LRRK1: variants seen among roughly 807,000 people sequenced by gnomAD.
LRRK1 encodes the protein leucine rich repeat kinase 1.
LRRK1 carries 113 observed loss-of-function variants against 209.1 expected under a neutral mutation model. That is an observed-to-expected ratio of 0.54 (90% CI 0.46 to 0.63). LRRK1 has a LOEUF of 0.63. Among genes scored for constraint, LRRK1 ranks in the 30% least tolerant of loss-of-function variants. LRRK1 has a pLI of 0.00. For synonymous variants in LRRK1, 1,144 were observed against 1,099.7 expected (o/e 1.04, Z -0.80); for missense variants, 2,284 against 2,632.2 (o/e 0.87, Z 2.89).
rs566033151 is a variant in LRRK1, at chr15:101,037,756, G to A, written c.2964-8225G>A. The stretch of plus-strand genomic sequence containing the variant: ...CTTGCACCTCAGCCCCAGCACCACT[G>A]GGCTCCCGGACAGTACACAGTCTGT... On this transcript the variant is annotated intron_variant, in intron 20 of 33. Coordinates refer to ENST00000388948, the MANE Select transcript of LRRK1 (RefSeq NM_024652.6). Among the ~76,000 whole-genome samples the A allele has an allele frequency of 3.0e-4, 46 of 152,290 alleles. No individual in the cohort carries two copies. In the South Asian group the frequency reaches 5.2e-3, roughly 17 times the overall value.
chr15:100,973,695 C>A (rs910757603), intron 2 of LRRK1, 109 bp from the exon 3 acceptor site: 3 of 1,107,510 alleles, frequency 2.7e-6, no homozygotes, highest in African/African-American at 3.2e-5. Context: ...CTGAAGCCCC[C>A]GCGATCGTGC....
chr15:100,958,395 A>G (rs2042808793), intron 2 of LRRK1, among the ~76,000 whole-genome samples: 1 of 152,082 alleles, frequency 6.6e-6, no homozygotes, highest in Admixed American at 6.5e-5. Context: ...TCTGGAGTTG[A>G]TGTTTGGGTG....
At chr15:101,034,569 T>C (rs1238714664) in intron 20 of LRRK1, among the ~76,000 whole-genome samples, 3 of 152,196 alleles carry the variant, frequency 2.0e-5, no homozygotes, top group Admixed American at 1.3e-4. Context: ...ACTGTAAATA[T>C]GTGGATTTAT....
chr15:101,059,375 G>A lies in LRRK1; in HGVS notation c.4679+1234G>A, dbSNP rs567374299. 2.6e-5 allele frequency among the ~76,000 whole-genome samples: 4 copies of A among 152,256 alleles called. No individual in the cohort carries two copies. The South Asian group carries it at 8.3e-4, about 32-fold the overall frequency. On this transcript the variant is annotated intron_variant, in intron 29 of 33. Coordinates refer to ENST00000388948, the MANE Select transcript of LRRK1 (RefSeq NM_024652.6). ...ATTGTGCCACTGCACTCCAGCCTGG[G>A]TGACAGAGTGAGACCCTGCCTCAGA... is the stretch of plus-strand genomic sequence containing the variant.
Position 101,021,931 on chromosome 15 carries a change from A to C in LRRK1, c.1826A>C (p.Asn609Thr). 6.2e-7 allele frequency: 1 copy of C among 1,613,924 alleles called. No individual in the cohort carries two copies. Among genetic ancestry groups the C allele is most frequent in the South Asian group, 1.1e-5 (1 of 91,070 alleles). ...QLDTEDLTIS[N>T]VPAEIQKEGP... ...GACACTGAAGACCTGACCATCAGCA[A>C]TGTGCCTGCAGAAATCCAAAAAGAA... Residue 609 changes from asparagine to threonine, a missense_variant, in exon 14 of 34, where the codon AAT (asparagine) becomes ACT (threonine). Coordinates refer to ENST00000388948, the MANE Select transcript of LRRK1 (RefSeq NM_024652.6).
intron 19 of LRRK1, among the ~76,000 whole-genome samples, chr15:101,028,468 C>T (rs939191218): frequency 3.3e-5 from 5 of 152,170 alleles, no homozygotes; most frequent in Admixed American, 2.6e-4. Context: ...ACAGTGAAAG[C>T]GTCAACAAAA....
intron 6 of LRRK1, among the ~76,000 whole-genome samples, chr15:101,000,798 C>A (rs2032649647): frequency 6.6e-6 from 1 of 152,184 alleles, no homozygotes; most frequent in Non-Finnish European, 1.5e-5. Context: ...GGCTAGATGA[C>A]CTCTGTTTTT....
intron 20 of LRRK1, among the ~76,000 whole-genome samples, chr15:101,037,457 T>C (rs2034538030): frequency 6.6e-6 from 1 of 152,066 alleles, no homozygotes; most frequent in African/African-American, 2.4e-5. Context: ...TGAAGCCAGG[T>C]CAGGTGGGCT....
rs2041980294 is a variant in LRRK1, at chr15:100,919,529, C to T, written c.-123+78C>T. On this transcript the variant is annotated intron_variant, in intron 1 of 33. Transcript: ENST00000388948. The surrounding 1 kb of genome is among the most constrained non-coding windows in gnomAD (Gnocchi z 5.8). Reference sequence around the variant, plus strand: ...CGCCCGGGGAACCCAGAGCCCGCGCCCGGCGCCCGCGGGGAGCCTCGGCCT... The same window carrying T: ...CGCCCGGGGAACCCAGAGCCCGCGCTCGGCGCCCGCGGGGAGCCTCGGCCT... The T allele has an allele frequency of 1.4e-5, 2 of 147,294 alleles. No homozygotes were observed. Among genetic ancestry groups the T allele is most frequent in the East Asian group, 2.0e-4 (1 of 5,094 alleles). The allele number at this position is 147,294 out of a possible 1,614,324, so 9.1% of individuals were successfully genotyped here.
chr15:101,017,114 GA>G (rs1440367971), intron 12 of LRRK1, among the ~76,000 whole-genome samples: 2 of 152,216 alleles, frequency 1.3e-5, no homozygotes, highest in African/African-American at 2.4e-5. Context: ...TGCTGGCCCA[GA>G]AAACCAGAAC....
At chr15:101,009,115 G>A in intron 7 of LRRK1, 52 bp downstream of exon 7, 7 of 1,376,726 alleles carry the variant, frequency 5.1e-6, no homozygotes, top group Middle Eastern at 1.8e-4. Flanking sequence ...TGTCACCGTT[G>A]TGCTCCTGCA....
rs1351765290 is a variant in LRRK1, at chr15:101,075,087, A to G, written c.*6239A>G. The G allele has an allele frequency of 7.9e-5, 6 of 76,128 alleles. No individual in the cohort carries two copies. Among genetic ancestry groups the G allele is most frequent in the African/African-American group, 2.9e-4 (5 of 17,420 alleles). The allele number at this position is 76,128 out of a possible 1,614,324, so 4.7% of individuals were successfully genotyped here. On this transcript the variant is annotated 3_prime_UTR_variant, in exon 34 of 34. Transcript: ENST00000388948. ...AGCTGCCAGTAACTCTCACAGTGGA[A>G]GGTAAACCCGTCCCCTTCTTAATCA...
intron 1 of LRRK1, among the ~76,000 whole-genome samples, chr15:100,923,514 C>A (rs924705103): frequency 2.6e-5 from 4 of 152,186 alleles, no homozygotes; most frequent in Non-Finnish European, 5.9e-5. Flanking sequence ...GCTATAAGAA[C>A]AAGGATAGGC....
In LRRK1 at chr15:101,027,592, G is replaced by A. The variant is rs758308158; in HGVS notation, c.2527-46G>A. 9 of 1,591,848 alleles carry A rather than the reference G, an allele frequency of 5.7e-6. No homozygotes were observed. The highest frequency in any genetic ancestry group is 7.7e-6 in the Non-Finnish European group (9 of 1,170,440). On this transcript the variant is annotated intron_variant, in intron 18 of 33. Transcript: ENST00000388948. The surrounding 1 kb of genome is among the most constrained non-coding windows in gnomAD (Gnocchi z 5.1). ...GCAGGATCTGCCCAAGCTGGCAGGT[G>A]TGCCTTGGGACCTGAGAGACCCTGC...
intron 7 of LRRK1, among the ~76,000 whole-genome samples, chr15:101,009,897 G>A (rs1462459665): frequency 2.0e-5 from 3 of 152,096 alleles, no homozygotes; most frequent in Non-Finnish European, 4.4e-5. Context: ...GATTTCTTTT[G>A]GACACATAAC....
chr15:100,956,455 C>CTTTTTCTTTTCTTTTCTTTTTTTTTTT lies in LRRK1; in HGVS notation c.98-17344_98-17343insCTTTTCTTTTCTTTTTTTTTTTTTTTT. 3.5e-4 allele frequency among the ~76,000 whole-genome samples: 21 copies of CTTTTTCTTTTCTTTTCTTTTTTTTTTT among 60,526 alleles called. 1 individual carries two copies. The highest frequency in any genetic ancestry group is 6.8e-4 in the African/African-American group (8 of 11,726). The allele number at this position is 60,526 out of a possible 152,430, so 39.7% of individuals were successfully genotyped here. On this transcript the variant is annotated intron_variant, in intron 2 of 33. Coordinates refer to ENST00000388948, the MANE Select transcript of LRRK1 (RefSeq NM_024652.6). ...TTCGCTTTTCTTTCCTTTTTTTTTT[C>CTTTTTCTTTTCTTTTCTTTTTTTTTTT]TTTTTTTTTTTTTTTTTTGAGACAG...
At chr15:100,986,174 C>G (rs1275269670) in intron 4 of LRRK1, among the ~76,000 whole-genome samples, 1 of 152,072 alleles carries the variant, frequency 6.6e-6, no homozygotes, top group Non-Finnish European at 1.5e-5. Flanking sequence ...TTACTGCACT[C>G]CAGGCTGAGA....
chr15:101,044,930 G>A (rs2141120809), intron 20 of LRRK1, among the ~76,000 whole-genome samples: 1 of 152,348 alleles, frequency 6.6e-6, no homozygotes, highest in Admixed American at 6.5e-5. Flanking sequence ...GAGGCATCTA[G>A]CGAGAGGTTG....
intron 23 of LRRK1, among the ~76,000 whole-genome samples, chr15:101,051,223 G>C (rs1241654776): frequency 6.6e-6 from 1 of 152,254 alleles, no homozygotes; most frequent in East Asian, 1.9e-4. Flanking sequence ...AGAGGCGTGG[G>C]GGAATCCCGT....
Sources: allele counts gnomAD v4.1 joint callset (sites outside exome capture counted in the v4.1 genomes callset), GRCh38; gene constraint gnomAD v4.1.1; non-coding constraint Gnocchi (gnomAD v3.1); transcripts MANE v1.5; gene names NCBI Gene and HGNC (gene_info 2026-07-23, HGNC 2026-07-21).